ADGRF1: variants seen among roughly 807,000 people sequenced by gnomAD.
The protein encoded by ADGRF1 is G protein-coupled receptor 110.
In ADGRF1, 85 loss-of-function variants were observed where a neutral mutation model predicts 87.2. The observed-to-expected ratio is 0.97, with a 90% CI of 0.82 to 1.17. The LOEUF (loss-of-function observed/expected upper bound fraction) is 1.17, where lower values mean the gene tolerates loss of function less well. Among genes scored for constraint, ADGRF1 ranks in the 50% most tolerant of loss-of-function variants. The probability of loss-of-function intolerance (pLI) is 0.00; values close to 1 mark genes in which losing one functional copy is unlikely to be tolerated. For synonymous variants in ADGRF1, 430 were observed against 408.8 expected, an observed-to-expected ratio of 1.05 and a Z score of -0.63; for missense variants, 1,169 against 1,077.2, an observed-to-expected ratio of 1.09 and a Z score of -1.19.
chr6:47,033,902 G>C (rs1246473199), intron 1 of ADGRF1, among the ~76,000 whole-genome samples: 1 of 152,214 alleles, frequency 6.6e-6, no homozygotes, highest in African/African-American at 2.4e-5. Flanking sequence ...TGGAAAAATG[G>C]TTGGAGGTTT....
chr6:47,024,146 G>A lies in ADGRF1; in HGVS notation c.349C>T (p.Leu117Phe). The change falls in exon 5 of 15, where the codon CTT becomes TTT. Residue 117 changes from leucine to phenylalanine, a missense_variant. Leu to Phe is a conservative substitution (Grantham distance 22). Coordinates refer to ENST00000371253, the MANE Select transcript of ADGRF1 (RefSeq NM_153840.4). ...TGAAGGTAGCAGTTCTGGGGATCAA[G>A]GCATGAGGGAGGAAACCAGGTGTAG... is the stretch of plus-strand genomic sequence containing the variant. ...DSYTWFPPSCLDPQNCYLHTA... is the reference protein window; with the variant it reads ...DSYTWFPPSCFDPQNCYLHTA... 1 of 1,614,070 alleles carries A rather than the reference G, an allele frequency of 6.2e-7. No homozygotes were observed.
chr6:47,008,153 G>A (rs992722092), intron 11 of ADGRF1, among the ~76,000 whole-genome samples: 9 of 152,314 alleles, frequency 5.9e-5, no homozygotes, highest in Admixed American at 5.9e-4. Context: ...TGATGTATTT[G>A]AGCCCAGACC....
chr6:47,020,354 G>C (rs1780008887), intron 7 of ADGRF1: 1 of 824,424 alleles, frequency 1.2e-6, no homozygotes, highest in South Asian at 2.2e-5. Flanking sequence ...AAGTTAGCTG[G>C]ATGTGGTGGC....
In ADGRF1 at chr6:47,014,664, C is replaced by T. The variant is rs755969925; in HGVS notation, c.927+17G>A. 3 of 1,611,300 alleles carry T rather than the reference C, an allele frequency of 1.9e-6. No homozygotes were observed. The highest frequency in any genetic ancestry group is 2.5e-6 in the Non-Finnish European group (3 of 1,178,756). On this transcript the variant is annotated intron_variant, in intron 9 of 14. Coordinates refer to ENST00000371253, the MANE Select transcript of ADGRF1 (RefSeq NM_153840.4). ...AACTCAAGACCAGGGCAAGTCTACA[C>T]AGTGAAAATGCCTCACCTTGTTCAG... is the stretch of plus-strand genomic sequence containing the variant.
chr6:47,037,295 T>A (rs1314659013), intron 1 of ADGRF1, among the ~76,000 whole-genome samples: 2 of 152,228 alleles, frequency 1.3e-5, no homozygotes, highest in African/African-American at 2.4e-5. Context: ...TTAAGTCATT[T>A]TCCTAAATTT....
chr6:47,023,902 C>G (rs1174723083), intron 5 of ADGRF1, 142 bp downstream of exon 5: 18 of 692,736 alleles, frequency 2.6e-5, no homozygotes, highest in Non-Finnish European at 4.0e-5. Flanking sequence ...TGGGTCCAGA[C>G]AGGCCTAACA....
intron 13 of ADGRF1, among the ~76,000 whole-genome samples, chr6:47,003,287 A>G (rs1779414006): frequency 6.6e-6 from 1 of 152,202 alleles, no homozygotes; most frequent in African/African-American, 2.4e-5. Context: ...GCATAGCATC[A>G]TGCAACAGAT....
rs1461563921 is a variant in ADGRF1, at chr6:47,016,693, A to G, written c.687T>C (p.His229=). 3 of 1,612,786 alleles carry G rather than the reference A, an allele frequency of 1.9e-6. No homozygotes were observed. The highest frequency in any genetic ancestry group is 1.7e-5 in the Admixed American group (1 of 59,990). The part of the protein sequence containing the change: ...SASELLSAIE[H]VAEKAKTALH... ...GGGCTGTCTTAGCCTTCTCGGCAAC[A>G]TGTTCAATGGCTGACAGCAGTTCAG... Residue 229 remains histidine, a synonymous_variant, in exon 8 of 15, where the codon CAT becomes CAC. Coordinates refer to ENST00000371253, the MANE Select transcript of ADGRF1 (RefSeq NM_153840.4).
chr6:47,015,125 A>C (rs1485269745), intron 8 of ADGRF1, among the ~76,000 whole-genome samples: 1 of 152,172 alleles, frequency 6.6e-6, no homozygotes, highest in Admixed American at 6.5e-5. Context: ...ACTAGTAAGT[A>C]TTAGGTGATA....
chr6:47,007,630 C>T (rs1226240980), intron 11 of ADGRF1, among the ~76,000 whole-genome samples: 1 of 152,196 alleles, frequency 6.6e-6, no homozygotes, highest in Non-Finnish European at 1.5e-5. Context: ...TTTCTTTAGA[C>T]CAGGCATTTG....
At position 47,016,529 on chromosome 6, in the gene ADGRF1, C is replaced by T. The variant is rs80307572; in HGVS notation, c.763+88G>A. On this transcript the variant is annotated intron_variant, in intron 8 of 14. Coordinates refer to ENST00000371253, the MANE Select transcript of ADGRF1 (RefSeq NM_153840.4). ...GTTAGAGAACAATTCGTTATTCAAA[C>T]GTCTCAAATCTACTTCCTGAGGACA... is the stretch of plus-strand genomic sequence containing the variant. The T allele has an allele frequency of 5.3e-4, 720 of 1,360,828 alleles. 1 individual carries two copies. The African/African-American group carries it at 9.4e-3, about 18-fold the overall frequency. The allele number at this position is 1,360,828 out of a possible 1,614,324, so 84.3% of individuals were successfully genotyped here.
chr6:47,017,995 C>T (rs944213123), intron 7 of ADGRF1: 2 of 169,040 alleles, frequency 1.2e-5, no homozygotes, highest in African/African-American at 4.8e-5. Context: ...AGGATTGGGT[C>T]TCTGCAAGTG....
intron 2 of ADGRF1, 149 bp from the exon 3 acceptor site, chr6:47,027,910 GC>G (rs535498801): frequency 4.7e-4 from 300 of 633,550 alleles, no homozygotes; most frequent in African/African-American, 3.8e-3. Flanking sequence ...CCTCACTGGA[GC>G]AACTTTTAAG....
chr6:47,000,912 T>C (rs1779345135), intron 14 of ADGRF1, among the ~76,000 whole-genome samples: 1 of 152,248 alleles, frequency 6.6e-6, no homozygotes, highest in African/African-American at 2.4e-5. Flanking sequence ...CCTCCAAGAA[T>C]GCTGTGGCTA....
At chr6:47,029,419 T>A (rs1780343798) in intron 1 of ADGRF1, among the ~76,000 whole-genome samples, 1 of 152,206 alleles carries the variant, frequency 6.6e-6, no homozygotes, top group East Asian at 1.9e-4. Context: ...ACATCAGTCT[T>A]TTATATTTCA....
At position 47,009,522 on chromosome 6, in the gene ADGRF1, T is replaced by C. The variant is rs1561867098; in HGVS notation, c.1913A>G (p.Asp638Gly). ...TGTGGCACCAACAATAAACCAGACA[T>C]CAGCAATCAAGAGGGACAGGGCTAT... ...VNIALSLLIA[D>G]VWFIVGATVD... is the part of the protein sequence containing the mutation. Residue 638 changes from aspartate (D) to glycine (G), a missense_variant, in exon 11 of 15, where the codon GAT becomes GGT. By Grantham distance (94) the Asp-to-Gly change is moderately conservative. Transcript: ENST00000371253. 3 of 1,614,004 alleles carry C rather than the reference T, an allele frequency of 1.9e-6. No individual in the cohort carries two copies. The highest frequency in any genetic ancestry group is 2.5e-6 in the Non-Finnish European group (3 of 1,179,996).
chr6:47,041,626 C>A (rs1332457834), intron 1 of ADGRF1, among the ~76,000 whole-genome samples: 1 of 152,102 alleles, frequency 6.6e-6, no homozygotes, highest in Non-Finnish European at 1.5e-5. Context: ...GGGGAAGTAG[C>A]AGGAGAAATG....
In ADGRF1 at chr6:47,024,168, G is replaced by A; in HGVS notation, c.327C>T (p.Tyr109=). 6.2e-7 allele frequency: 1 copy of A among 1,614,036 alleles called. No individual in the cohort carries two copies. The highest frequency in any genetic ancestry group is 8.5e-7 in the Non-Finnish European group (1 of 1,179,878). Residue 109 remains tyrosine (Y), a synonymous_variant, in exon 5 of 15, where the codon TAC becomes TAT. Coordinates refer to ENST00000371253, the MANE Select transcript of ADGRF1 (RefSeq NM_153840.4). Reference sequence around the variant, plus strand: ...CAAGGCATGAGGGAGGAAACCAGGTGTAGCTGTCTTCACAGGTACACTGCA... The same window carrying A: ...CAAGGCATGAGGGAGGAAACCAGGTATAGCTGTCTTCACAGGTACACTGCA... ...GVLQCTCEDS[Y]TWFPPSCLDP...
intron 4 of ADGRF1, 67 bp downstream of exon 4, chr6:47,025,787 C>T: frequency 1.4e-6 from 2 of 1,388,202 alleles, no homozygotes; most frequent in South Asian, 1.5e-5. Flanking sequence ...ACAGCATAAC[C>T]CAACCTAGCC....
Sources: gnomAD v4.1 joint callset for allele counts (sites outside exome capture counted in the v4.1 genomes callset) on GRCh38, gnomAD v4.1.1 for gene constraint, MANE v1.5 for transcripts, NCBI Gene and HGNC (gene_info 2026-07-23, HGNC 2026-07-21) for gene names.